AOPEP: variants seen among roughly 807,000 people sequenced by gnomAD.
AOPEP encodes the protein aminopeptidase O (putative), also known as aminopeptidase O.
AOPEP carries 77 observed loss-of-function variants against 98.1 expected under a neutral mutation model. That is an observed-to-expected ratio of 0.78 (90% CI 0.65 to 0.95). AOPEP has a LOEUF of 0.95. Among genes scored for constraint, AOPEP ranks in the 40% least tolerant of loss-of-function variants. The probability of loss-of-function intolerance (pLI) is 0.00; values close to 1 mark genes in which losing one functional copy is unlikely to be tolerated. For missense variants in AOPEP, 1,024 were observed against 1,024.7 expected (o/e 1.00, Z 0.01); for synonymous variants, 346 against 365.3 (o/e 0.95, Z 0.60).
chr9:94,973,125 G>C (rs1053068319), intron 10 of AOPEP, among the ~76,000 whole-genome samples: 3 of 152,156 alleles, frequency 2.0e-5, no homozygotes, highest in African/African-American at 7.2e-5. Flanking sequence ...CTATCTGGCT[G>C]CACTTCCCAA....
At chr9:94,775,277 G>C (rs1344646238) in intron 3 of AOPEP, among the ~76,000 whole-genome samples, 1 of 150,494 alleles carries the variant, frequency 6.6e-6, no homozygotes, top group Non-Finnish European at 1.5e-5. Context: ...AAAACCAGTT[G>C]CTTCAGGATC....
At chr9:94,832,700 A>G (rs1005984245) in intron 5 of AOPEP, among the ~76,000 whole-genome samples, 2 of 152,208 alleles carry the variant, frequency 1.3e-5, no homozygotes, top group African/African-American at 4.8e-5. Context: ...AATGTTCACT[A>G]TCTCTAAGAC....
chr9:95,058,607 C>A (rs1254299448), intron 13 of AOPEP, among the ~76,000 whole-genome samples: 1 of 152,206 alleles, frequency 6.6e-6, no homozygotes, highest in African/African-American at 2.4e-5. Flanking sequence ...ATGCTGCTCA[C>A]CAGTTTTGAG....
intron 5 of AOPEP, among the ~76,000 whole-genome samples, chr9:94,864,048 G>T (rs1366411286): frequency 6.6e-6 from 1 of 152,150 alleles, no homozygotes; most frequent in Non-Finnish European, 1.5e-5. Context: ...TCCCACACAT[G>T]GGCCAATTTG....
chr9:95,111,113 A>G, the AOPEP span: 1 of 1,524,714 alleles, frequency 6.6e-7, no homozygotes, highest in Non-Finnish European at 8.8e-7. Flanking sequence ...CTGCCGGCAC[A>G]CCCCTCAGAA....
chr9:94,918,590 A>G (rs748538498), intron 5 of AOPEP, among the ~76,000 whole-genome samples: 5 of 152,120 alleles, frequency 3.3e-5, no homozygotes, highest in African/African-American at 7.2e-5. Flanking sequence ...TCCTGGCTCT[A>G]TTGCTTGCCA....
chr9:95,114,322 C>G, the AOPEP span: 1 of 392,946 alleles, frequency 2.5e-6, no homozygotes, highest in African/African-American at 2.1e-5. Flanking sequence ...CTGCTTTTTC[C>G]AAGGCCTCTT....
intron 7 of AOPEP, among the ~76,000 whole-genome samples, chr9:94,953,980 T>A (rs1456721314): frequency 6.6e-6 from 1 of 152,144 alleles, no homozygotes; most frequent in Admixed American, 6.5e-5. Flanking sequence ...AAGATCTTCA[T>A]GGAGAATAAG....
At chr9:94,837,674 A>G (rs2041781013) in intron 5 of AOPEP, among the ~76,000 whole-genome samples, 1 of 152,244 alleles carries the variant, frequency 6.6e-6, no homozygotes, top group Admixed American at 6.5e-5. Flanking sequence ...GATCATCTCA[A>G]TAGATGCAGA....
chr9:94,805,469 GGTTTTTTGTTTTTT>G (rs112012800), intron 5 of AOPEP, among the ~76,000 whole-genome samples: 10 of 151,052 alleles, frequency 6.6e-5, no homozygotes, highest in African/African-American at 2.2e-4. Context: ...TAGTTTGAAA[GGTTTTTTGTTTTTT>G]GTTTTTTGTT....
intron 13 of AOPEP, among the ~76,000 whole-genome samples, chr9:95,044,718 T>A (rs375661095): frequency 6.6e-6 from 1 of 152,052 alleles, no homozygotes; most frequent in Non-Finnish European, 1.5e-5. Flanking sequence ...CCTGCACACA[T>A]AGGGCATACA....
At chr9:94,802,289 G>A (rs1192399071) in intron 5 of AOPEP, among the ~76,000 whole-genome samples, 1 of 151,964 alleles carries the variant, frequency 6.6e-6, no homozygotes, top group East Asian at 1.9e-4. Flanking sequence ...GGGTTTGAGG[G>A]GCCCTATTTA....
chr9:95,113,252 G>A, the AOPEP span, among the ~76,000 whole-genome samples: 2 of 152,214 alleles, frequency 1.3e-5, no homozygotes, highest in African/African-American at 4.8e-5. Flanking sequence ...CATCAATCAC[G>A]GAGCTGGACA....
At chr9:94,826,633 A>G (rs1294781091) in intron 5 of AOPEP, among the ~76,000 whole-genome samples, 2 of 152,250 alleles carry the variant, frequency 1.3e-5, no homozygotes, top group East Asian at 3.8e-4. Flanking sequence ...ACTTCATGCT[A>G]GACAGATTTA....
At chr9:95,005,280 C>T in intron 12 of AOPEP, 60 bp downstream of exon 12, 1 of 894,800 alleles carries the variant, frequency 1.1e-6, no homozygotes, top group Non-Finnish European at 1.4e-6. Flanking sequence ...CCGCGGCTGG[C>T]GAGAGGCCCT....
At chr9:95,145,464 A>T in the AOPEP span, 3 of 152,180 alleles carry the variant, frequency 2.0e-5, no homozygotes, top group Non-Finnish European at 2.9e-5. Context: ...CTCTCTCGAT[A>T]ATCTATATAC....
At chr9:94,730,027 G>A (rs1830146652) in intron 1 of AOPEP, among the ~76,000 whole-genome samples, 1 of 152,222 alleles carries the variant, frequency 6.6e-6, no homozygotes, top group South Asian at 2.1e-4. Context: ...GCTCACGCCT[G>A]TAATCCCAGC....
intron 13 of AOPEP, among the ~76,000 whole-genome samples, chr9:95,011,288 C>A (rs972862442): frequency 6.6e-6 from 1 of 150,528 alleles, no homozygotes; most frequent in African/African-American, 2.5e-5. Context: ...CTCCACCTCG[C>A]GGGTTCCAGC....
At chr9:94,968,512 G>A (rs1363445752) in intron 10 of AOPEP, among the ~76,000 whole-genome samples, 1 of 152,106 alleles carries the variant, frequency 6.6e-6, no homozygotes, top group Non-Finnish European at 1.5e-5. Context: ...AAAGTGCTGG[G>A]ATTACAGGGG....
Sources: allele counts gnomAD v4.1 joint callset (sites outside exome capture counted in the v4.1 genomes callset), GRCh38; gene constraint gnomAD v4.1.1; transcripts MANE v1.5; gene names NCBI Gene and HGNC (gene_info 2026-07-23, HGNC 2026-07-21).